RAD51B: variants seen among roughly 807,000 people sequenced by gnomAD.
The protein encoded by RAD51B is DNA repair protein RAD51 homolog 2.
RAD51B carries 38 observed loss-of-function variants against 42.2 expected under a neutral mutation model. The observed-to-expected ratio is 0.90, with a 90% CI of 0.70 to 1.18. The LOEUF is 1.18. RAD51B is among the 50% of genes most tolerant of loss of function. RAD51B has a pLI of 0.00. For synonymous variants in RAD51B, 154 were observed against 145.2 expected, an observed-to-expected ratio of 1.06 and a Z score of -0.43; for missense variants, 373 against 400.7, an observed-to-expected ratio of 0.93 and a Z score of 0.59.
chr14:68,117,462 G>A (rs2077570218), intron 7 of RAD51B, among the ~76,000 whole-genome samples: 1 of 152,110 alleles, frequency 6.6e-6, no homozygotes, highest in Non-Finnish European at 1.5e-5. Context: ...TCACTTTGGT[G>A]GCCACACACT....
At chr14:68,359,549 G>C (rs138775188) in intron 8 of RAD51B, among the ~76,000 whole-genome samples, 1 of 152,164 alleles carries the variant, frequency 6.6e-6, no homozygotes, top group African/African-American at 2.4e-5. Context: ...ATCACAGCGC[G>C]TGGGTACTGG....
At chr14:67,946,698 T>C (rs1315479786) in intron 7 of RAD51B, among the ~76,000 whole-genome samples, 1 of 152,198 alleles carries the variant, frequency 6.6e-6, no homozygotes, top group Non-Finnish European at 1.5e-5. Context: ...CAAAAGTCTT[T>C]GATATAAGCA....
intron 7 of RAD51B, among the ~76,000 whole-genome samples, chr14:68,243,714 C>T (rs906016907): frequency 2.4e-4 from 37 of 152,080 alleles, no homozygotes; most frequent in African/African-American, 8.2e-4. Flanking sequence ...ATAATGAATC[C>T]CCTTTATCCT....
rs375781145 is a variant in RAD51B, at chr14:68,477,598, A to T, written c.1037-50A>T. ...TGCTGGTGGGAAGTTAGTGCATTTC[A>T]TAACAATTTTTTTTTTTCAAACTTT... On this transcript the variant is annotated intron_variant, in intron 10 of 10. Transcript: ENST00000471583. 4.4e-6 allele frequency: 7 copies of T among 1,575,130 alleles called. No individual in the cohort carries two copies. The African/African-American group carries it at 9.7e-5, about 22-fold the overall frequency.
At chr14:68,587,190 G>A (rs1316963490) in intron 10 of RAD51B, among the ~76,000 whole-genome samples, 1 of 152,210 alleles carries the variant, frequency 6.6e-6, no homozygotes, top group Admixed American at 6.5e-5. Flanking sequence ...AAGAGGGGGA[G>A]AGTGGTCAGG....
Position 68,233,678 on chromosome 14 carries a change from GGAGAA to G in RAD51B, c.757-58200_757-58196del, listed in dbSNP as rs146130579. ...AAGCAGCAGCAAATATTTCTGCAAA[GGAGAA>G]GAGAAAATATTTGAGTTGAAGCTTC... On this transcript the variant is annotated intron_variant, in intron 7 of 10. Transcript: ENST00000471583. Among the ~76,000 whole-genome samples the G allele has an allele frequency of 3.2e-3, 483 of 152,214 alleles. 2 individuals are homozygous for G. Among genetic ancestry groups the G allele is most frequent in the African/African-American group, 0.011 (461 of 41,544 alleles).
In RAD51B at chr14:68,296,313, T is replaced by G. The variant is rs1242231330; in HGVS notation, c.853+4333T>G. ...CTACATTGTTCTAGACTAGGTACTT[T>G]GAGTCACAGTATTTTCTTCTTCAGA... On this transcript the variant is annotated intron_variant, in intron 8 of 10. Transcript: ENST00000471583. 3.3e-5 allele frequency among the ~76,000 whole-genome samples: 5 copies of G among 152,144 alleles called. No individual in the cohort carries two copies. In the East Asian group the frequency reaches 9.6e-4, roughly 29 times the overall value.
intron 10 of RAD51B, among the ~76,000 whole-genome samples, chr14:68,632,178 C>A (rs1329834544): frequency 6.6e-6 from 1 of 152,138 alleles, no homozygotes; most frequent in Non-Finnish European, 1.5e-5. Flanking sequence ...GCCTCCGAGG[C>A]CCCCTCATCT....
intron 8 of RAD51B, among the ~76,000 whole-genome samples, chr14:68,303,326 G>C (rs1158564106): frequency 6.6e-6 from 1 of 152,108 alleles, no homozygotes; most frequent in African/African-American, 2.4e-5. Context: ...GGGGCTAGGG[G>C]AGGTATAGCA....
At chr14:68,287,595 G>A (rs2081437025) in intron 7 of RAD51B, among the ~76,000 whole-genome samples, 1 of 152,174 alleles carries the variant, frequency 6.6e-6, no homozygotes, top group African/African-American at 2.4e-5. Flanking sequence ...GGTGTTGGGG[G>A]TGTGTTGCGT....
At chr14:68,539,673 A>C (rs543150637) in intron 10 of RAD51B, among the ~76,000 whole-genome samples, 84 of 152,344 alleles carry the variant, frequency 5.5e-4, no homozygotes, top group African/African-American at 1.9e-3. Flanking sequence ...GCTAAGGGTG[A>C]TTGAATGCAC....
intron 8 of RAD51B, among the ~76,000 whole-genome samples, chr14:68,335,395 C>A (rs7493547): frequency 6.6e-6 from 1 of 151,484 alleles, no homozygotes; most frequent in African/African-American, 2.4e-5. Context: ...ATTAAAAAAG[C>A]AGATAGCCAC....
At chr14:68,528,218 T>C (rs774759644) in intron 10 of RAD51B, among the ~76,000 whole-genome samples, 1 of 152,252 alleles carries the variant, frequency 6.6e-6, no homozygotes, top group Non-Finnish European at 1.5e-5. Context: ...CACTGTTTCA[T>C]AGAAAAACTT....
intron 7 of RAD51B, among the ~76,000 whole-genome samples, chr14:68,288,487 A>G (rs551293401): frequency 3.3e-5 from 5 of 152,342 alleles, no homozygotes; most frequent in Admixed American, 6.5e-5. Flanking sequence ...CTCTTTCACC[A>G]GAAGTGGAAA....
chr14:68,202,567 C>T (rs1365056111), intron 7 of RAD51B, among the ~76,000 whole-genome samples: 1 of 140,820 alleles, frequency 7.1e-6, no homozygotes, highest in Non-Finnish European at 1.5e-5. Flanking sequence ...TCATATGAAG[C>T]AACGTCTTTT....
chr14:68,095,534 G>GT (rs1176592901), intron 7 of RAD51B, among the ~76,000 whole-genome samples: 1 of 151,956 alleles, frequency 6.6e-6, no homozygotes, highest in East Asian at 1.9e-4. Context: ...CATGTATACT[G>GT]TTTTTTGTTT....
At chr14:68,401,912 G>T (rs763855821) in intron 8 of RAD51B, among the ~76,000 whole-genome samples, 1 of 152,162 alleles carries the variant, frequency 6.6e-6, no homozygotes, top group East Asian at 1.9e-4. Flanking sequence ...TTAATAGATA[G>T]CGTGTGGTCC....
intron 8 of RAD51B, among the ~76,000 whole-genome samples, chr14:68,303,497 A>T (rs2081793689): frequency 6.6e-6 from 1 of 151,652 alleles, no homozygotes; most frequent in Non-Finnish European, 1.5e-5. Flanking sequence ...AGAAATACGG[A>T]AGTGACGGAG....
intron 7 of RAD51B, among the ~76,000 whole-genome samples, chr14:67,961,575 G>C (rs1421674665): frequency 1.8e-4 from 28 of 152,204 alleles, no homozygotes; most frequent in Non-Finnish European, 4.4e-5. Context: ...AAGATGTTTA[G>C]TCCTTGGCTG....
Sources: allele counts gnomAD v4.1 joint callset (sites outside exome capture counted in the v4.1 genomes callset), GRCh38; gene constraint gnomAD v4.1.1; transcripts MANE v1.5; gene names NCBI Gene and HGNC (gene_info 2026-07-23, HGNC 2026-07-21).